NME7: variants seen among roughly 807,000 people sequenced by gnomAD.
NME7 encodes NME/NM23 family member 7.
In NME7, 41 loss-of-function variants were observed where a neutral mutation model predicts 49.1. The ratio of observed to expected loss-of-function variants is 0.83; its 90% confidence interval spans 0.65 to 1.08. NME7 has a LOEUF of 1.08. Ranked by LOEUF, NME7 falls within the 50% of genes least tolerant of loss-of-function variation. The pLI, the probability that NME7 is intolerant of heterozygous loss-of-function variation, is 0.00. For missense variants in NME7, 423 were observed against 463.4 expected, an observed-to-expected ratio of 0.91 and a Z score of 0.80; for synonymous variants, 139 against 150.6, an observed-to-expected ratio of 0.92 and a Z score of 0.56.
chr1:169,180,046 C>T (rs1659880835), intron 10 of NME7, among the ~76,000 whole-genome samples: 1 of 151,124 alleles, frequency 6.6e-6, no homozygotes, highest in Non-Finnish European at 1.5e-5. Flanking sequence ...ACAGTTATAT[C>T]CAATTTATAA....
At chr1:169,159,260 G>A (rs1659171096) in intron 11 of NME7, among the ~76,000 whole-genome samples, 1 of 152,096 alleles carries the variant, frequency 6.6e-6, no homozygotes, top group Admixed American at 6.6e-5. Flanking sequence ...CCATTCTGTG[G>A]CAACAAGGCA....
At chr1:169,189,082 GCTCT>G (rs1261359195) in intron 10 of NME7, among the ~76,000 whole-genome samples, 1 of 152,114 alleles carries the variant, frequency 6.6e-6, no homozygotes, top group African/African-American at 2.4e-5. Flanking sequence ...AGCCTCATTT[GCTCT>G]CTGTCTTGAT....
At chr1:169,320,720 G>GA (rs1211529668) in intron 3 of NME7, among the ~76,000 whole-genome samples, 1 of 152,160 alleles carries the variant, frequency 6.6e-6, no homozygotes, top group Non-Finnish European at 1.5e-5. Flanking sequence ...AATAAGAAGA[G>GA]AAAATGGTGA....
At chr1:169,145,528 T>A (rs1285608956) in intron 11 of NME7, among the ~76,000 whole-genome samples, 1 of 152,164 alleles carries the variant, frequency 6.6e-6, no homozygotes, top group African/African-American at 2.4e-5. Flanking sequence ...GAAGCTTCCA[T>A]GGAGGCACAG....
intron 10 of NME7, among the ~76,000 whole-genome samples, chr1:169,224,167 C>T (rs1661231896): frequency 6.6e-6 from 1 of 152,216 alleles, no homozygotes; most frequent in Non-Finnish European, 1.5e-5. Flanking sequence ...GGCTCTGACA[C>T]ACCAGGCCAG....
intron 7 of NME7, among the ~76,000 whole-genome samples, chr1:169,242,432 A>G (rs1648129343): frequency 6.6e-6 from 1 of 152,078 alleles, no homozygotes; most frequent in Non-Finnish European, 1.5e-5. Flanking sequence ...CAACTTCCCC[A>G]TCTTCATAAA....
intron 9 of NME7, among the ~76,000 whole-genome samples, chr1:169,232,535 C>A (rs1647672366): frequency 7.0e-6 from 1 of 143,394 alleles, no homozygotes; most frequent in African/African-American, 2.6e-5. Context: ...AAACAAAAAG[C>A]TTTATAAGCA....
At chr1:169,260,921 A>C (rs1649138964) in intron 7 of NME7, among the ~76,000 whole-genome samples, 1 of 133,858 alleles carries the variant, frequency 7.5e-6, no homozygotes, top group South Asian at 2.3e-4. Flanking sequence ...ATTCTGCATA[A>C]AGCTTACATT....
chr1:169,160,781 C>G (rs1488994741), intron 11 of NME7, among the ~76,000 whole-genome samples: 1 of 152,134 alleles, frequency 6.6e-6, no homozygotes, highest in African/African-American at 2.4e-5. Flanking sequence ...AAAGATGGTA[C>G]TATCACGTTT....
At position 169,352,893 on chromosome 1, in the gene NME7, A is replaced by G. The variant is rs1168177426; in HGVS notation, c.3+14815T>C. Among the ~76,000 whole-genome samples the G allele has an allele frequency of 3.3e-5, 5 of 152,208 alleles. No homozygotes were observed. The East Asian group carries it at 9.6e-4, about 29-fold the overall frequency. On this transcript the variant is annotated intron_variant, in intron 1 of 11. Coordinates refer to ENST00000367811, the MANE Select transcript of NME7 (RefSeq NM_013330.5). ...ATGAAAACTTTAAAACACAGATAAAAGAAATTGAAAAAGCCACTAAAAAAT... is the reference window on the plus strand; with the variant it reads ...ATGAAAACTTTAAAACACAGATAAAGGAAATTGAAAAAGCCACTAAAAAAT...
chr1:169,317,009 A>C (rs922198354), intron 3 of NME7, among the ~76,000 whole-genome samples: 1 of 151,276 alleles, frequency 6.6e-6, no homozygotes, highest in African/African-American at 2.4e-5. Context: ...AAAAATAGAA[A>C]AACAGGAAAA....
chr1:169,338,537 A>G (rs1652564926), intron 1 of NME7, among the ~76,000 whole-genome samples: 1 of 152,218 alleles, frequency 6.6e-6, no homozygotes, highest in Non-Finnish European at 1.5e-5. Context: ...CAGGGGAGAA[A>G]CAGCTTTTTA....
intron 3 of NME7, among the ~76,000 whole-genome samples, chr1:169,313,291 T>C (rs1480083460): frequency 6.6e-6 from 1 of 151,290 alleles, no homozygotes. Context: ...CTGGAAAATC[T>C]GAACTTTGAT....
intron 7 of NME7, among the ~76,000 whole-genome samples, chr1:169,267,323 C>A (rs962066967): frequency 1.5e-5 from 2 of 133,270 alleles, no homozygotes; most frequent in African/African-American, 5.1e-5. Context: ...GAATCAATAT[C>A]ATTAAAATGG....
intron 10 of NME7, among the ~76,000 whole-genome samples, chr1:169,178,415 G>A (rs1659822017): frequency 6.6e-6 from 1 of 152,134 alleles, no homozygotes; most frequent in South Asian, 2.1e-4. Flanking sequence ...AAGTGTTTGA[G>A]TTGTGGCAGA....
chr1:169,190,702 G>T (rs780997149), intron 10 of NME7: 11 of 436,052 alleles, frequency 2.5e-5, no homozygotes, highest in Non-Finnish European at 1.8e-5. Flanking sequence ...GGAGATTTGG[G>T]GGTCTGGGGA....
chr1:169,348,039 T>C (rs550811159), intron 1 of NME7, among the ~76,000 whole-genome samples: 1 of 152,322 alleles, frequency 6.6e-6, no homozygotes, highest in Non-Finnish European at 1.5e-5. Flanking sequence ...ATTTTCATCA[T>C]GAGAAAAAGA....
chr1:169,133,438 TACAGAGAG>T (rs1387094911), intron 11 of NME7, among the ~76,000 whole-genome samples: 4 of 152,196 alleles, frequency 2.6e-5, no homozygotes, highest in African/African-American at 9.7e-5. Flanking sequence ...GCTGCCCTCT[TACAGAGAG>T]ACAGATCTGG....
intron 11 of NME7, among the ~76,000 whole-genome samples, chr1:169,167,745 CT>C (rs1277109163): frequency 6.6e-6 from 1 of 151,942 alleles, no homozygotes; most frequent in Non-Finnish European, 1.5e-5. Flanking sequence ...TTTCAGTTTC[CT>C]AAAAAAACAG....
Sources: allele counts gnomAD v4.1 joint callset (sites outside exome capture counted in the v4.1 genomes callset), GRCh38; gene constraint gnomAD v4.1.1; transcripts MANE v1.5; gene names NCBI Gene and HGNC (gene_info 2026-07-23, HGNC 2026-07-21).